The following PTPRD variants were observed in gnomAD, a reference collection of about 807,000 sequenced individuals.
PTPRD encodes protein tyrosine phosphatase receptor type D, also known as receptor-type tyrosine-protein phosphatase delta.
Under a neutral mutation model 214.5 loss-of-function variants are expected in PTPRD, and 34 were observed. The observed-to-expected ratio is 0.16, with a 90% CI of 0.12 to 0.21. The LOEUF (loss-of-function observed/expected upper bound fraction) is 0.21. PTPRD is among the 10% of genes least tolerant of loss of function. PTPRD has a pLI of 1.00. For synonymous variants in PTPRD, 1,128 were observed against 845.7 expected, an observed-to-expected ratio of 1.33 and a Z score of -5.79; for missense variants, 2,545 against 2,398.7, an observed-to-expected ratio of 1.06 and a Z score of -1.27.
chr9:8,872,634 C>G lies in PTPRD; in HGVS notation c.-103-138688G>C, dbSNP rs1300225462. Among the ~76,000 whole-genome samples, 3 of 152,190 alleles carry G rather than the reference C, an allele frequency of 2.0e-5. No homozygotes were observed. The South Asian group carries it at 6.2e-4, about 32-fold the overall frequency. ...AAATAGCACATCCTCTAGCATGTAG[C>G]CTACATTTATGTAAATCTGGTTGAT... On this transcript the variant is annotated intron_variant, in intron 11 of 45. Coordinates refer to ENST00000381196, the MANE Select transcript of PTPRD (RefSeq NM_002839.4).
At chr9:10,253,245 A>T (rs1049098604) in intron 3 of PTPRD, among the ~76,000 whole-genome samples, 1 of 152,232 alleles carries the variant, frequency 6.6e-6, no homozygotes, top group Non-Finnish European at 1.5e-5. Context: ...AGTGACAAAT[A>T]TGTATCTTAA....
At chr9:10,307,329 G>A (rs1294980506) in intron 3 of PTPRD, among the ~76,000 whole-genome samples, 1 of 151,998 alleles carries the variant, frequency 6.6e-6, no homozygotes, top group African/African-American at 2.4e-5. Flanking sequence ...TATGACATCT[G>A]TCTTTCTGTG....
At chr9:10,439,501 G>A (rs542893381) in intron 2 of PTPRD, among the ~76,000 whole-genome samples, 17 of 151,824 alleles carry the variant, frequency 1.1e-4, no homozygotes, top group Middle Eastern at 3.4e-3. Context: ...ACAAGGTAGT[G>A]GTCTTGGACA....
intron 11 of PTPRD, among the ~76,000 whole-genome samples, chr9:8,879,604 G>A (rs2098424874): frequency 6.6e-6 from 1 of 152,134 alleles, no homozygotes; most frequent in Non-Finnish European, 1.5e-5. Context: ...TATCCCAATT[G>A]TGAATTATAG....
intron 5 of PTPRD, among the ~76,000 whole-genome samples, chr9:9,911,479 G>A (rs2079168482): frequency 1.5e-5 from 1 of 65,010 alleles, no homozygotes; most frequent in Non-Finnish European, 2.8e-5. Context: ...ATTTGTTATG[G>A]TTTGGGGTTT....
chr9:9,813,050 T>G (rs1277632555), intron 5 of PTPRD, among the ~76,000 whole-genome samples: 1 of 151,986 alleles, frequency 6.6e-6, no homozygotes, highest in Non-Finnish European at 1.5e-5. Flanking sequence ...AACACACTCT[T>G]AATGCAATCA....
At chr9:9,688,609 T>C (rs1292293075) in intron 7 of PTPRD, among the ~76,000 whole-genome samples, 1 of 151,904 alleles carries the variant, frequency 6.6e-6, no homozygotes, top group Non-Finnish European at 1.5e-5. Context: ...GCGTGAGTGA[T>C]GAGGAAATGA....
At chr9:10,504,951 G>T (rs1219037755) in intron 2 of PTPRD, among the ~76,000 whole-genome samples, 1 of 152,144 alleles carries the variant, frequency 6.6e-6, no homozygotes, top group Non-Finnish European at 1.5e-5. Context: ...TAACACTGGT[G>T]TATCTGCTAC....
intron 5 of PTPRD, among the ~76,000 whole-genome samples, chr9:9,876,925 A>G (rs1238473745): frequency 6.6e-6 from 1 of 152,200 alleles, no homozygotes; most frequent in Non-Finnish European, 1.5e-5. Context: ...CATTATTTAA[A>G]TAGACTAATT....
At chr9:9,739,690 T>A (rs1355383019) in intron 6 of PTPRD, among the ~76,000 whole-genome samples, 3 of 152,064 alleles carry the variant, frequency 2.0e-5, no homozygotes, top group Admixed American at 6.6e-5. Flanking sequence ...CAATATATGA[T>A]ATAATATTTT....
chr9:8,536,444 T>C (rs1174960211), intron 14 of PTPRD, among the ~76,000 whole-genome samples: 3 of 151,840 alleles, frequency 2.0e-5, no homozygotes, highest in Non-Finnish European at 4.4e-5. Context: ...TATACGTATA[T>C]AAATGTATAT....
intron 34 of PTPRD, among the ~76,000 whole-genome samples, chr9:8,448,909 C>G (rs865853237): frequency 9.7e-4 from 147 of 152,274 alleles, no homozygotes; most frequent in African/African-American, 3.3e-3. Context: ...CTTAGATTAG[C>G]TTTTCACTTT....
chr9:10,466,849 T>C (rs556707799), intron 2 of PTPRD, among the ~76,000 whole-genome samples: 12 of 152,080 alleles, frequency 7.9e-5, no homozygotes, highest in Admixed American at 1.3e-4. Flanking sequence ...AAGGGAGAAA[T>C]AGAAGCATAA....
intron 8 of PTPRD, among the ~76,000 whole-genome samples, chr9:9,494,700 T>C (rs754024481): frequency 7.9e-5 from 12 of 152,234 alleles, no homozygotes; most frequent in South Asian, 2.1e-4. Flanking sequence ...CTCATGTTAA[T>C]GGATTGGAAA....
intron 4 of PTPRD, among the ~76,000 whole-genome samples, chr9:9,939,400 T>A (rs1365475426): frequency 6.6e-6 from 1 of 152,182 alleles, no homozygotes; most frequent in Admixed American, 6.6e-5. Context: ...TTCTTGTGGC[T>A]TGTGCAGTCT....
chr9:9,594,644 C>A (rs1027623049), intron 7 of PTPRD, among the ~76,000 whole-genome samples: 3 of 152,074 alleles, frequency 2.0e-5, no homozygotes, highest in African/African-American at 7.2e-5. Context: ...CCTATTTTAA[C>A]AGTACCATGC....
chr9:9,843,351 A>AT (rs947285890), intron 5 of PTPRD, among the ~76,000 whole-genome samples: 4 of 150,750 alleles, frequency 2.7e-5, no homozygotes, highest in South Asian at 2.1e-4. Context: ...AATGTATCAC[A>AT]TTTTTTTTTA....
At chr9:10,007,793 G>GCATTCTC (rs2096517924) in intron 4 of PTPRD, among the ~76,000 whole-genome samples, 1 of 151,820 alleles carries the variant, frequency 6.6e-6, no homozygotes, top group African/African-American at 2.4e-5. Flanking sequence ...TCCAAAATCA[G>GCATTCTC]AACTTGTTAG....
At chr9:9,328,531 G>A (rs1244366116) in intron 9 of PTPRD, among the ~76,000 whole-genome samples, 1 of 148,554 alleles carries the variant, frequency 6.7e-6, no homozygotes, top group African/African-American at 2.5e-5. Flanking sequence ...TTTAGCATAT[G>A]TGTTTATATT....
Sources: allele counts gnomAD v4.1 joint callset (sites outside exome capture counted in the v4.1 genomes callset), GRCh38; gene constraint gnomAD v4.1.1; transcripts MANE v1.5; gene names NCBI Gene and HGNC (gene_info 2026-07-23, HGNC 2026-07-21).